The following SLC38A1 variants were observed in gnomAD, a reference collection of about 807,000 sequenced individuals.
SLC38A1 encodes sodium-coupled neutral amino acid symporter 1.
In SLC38A1, 18 loss-of-function variants were observed where a neutral mutation model predicts 60.3. The observed-to-expected ratio is 0.30, with a 90% CI of 0.21 to 0.44. The LOEUF (loss-of-function observed/expected upper bound fraction) is 0.44, where lower values mean the gene tolerates loss of function less well. Ranked by LOEUF, SLC38A1 falls within the 20% of genes least tolerant of loss-of-function variation. SLC38A1 has a pLI of 1.00. For missense variants in SLC38A1, 448 were observed against 587.2 expected, an observed-to-expected ratio of 0.76 and a Z score of 2.45; for synonymous variants, 196 against 212.1, an observed-to-expected ratio of 0.92 and a Z score of 0.66.
At chr12:46,245,090 G>T (rs949337876) in intron 1 of SLC38A1, among the ~76,000 whole-genome samples, 3 of 152,088 alleles carry the variant, frequency 2.0e-5, no homozygotes, top group African/African-American at 7.2e-5. Flanking sequence ...TAAAAGGCAA[G>T]AACCTCCTTC....
At chr12:46,246,095 G>C (rs185004639) in intron 1 of SLC38A1, among the ~76,000 whole-genome samples, 1 of 152,208 alleles carries the variant, frequency 6.6e-6, no homozygotes, top group Admixed American at 6.5e-5. Context: ...GAACAAAGCA[G>C]AAGACAGGTG....
At chr12:46,200,981 A>T in intron 13 of SLC38A1, 117 bp downstream of exon 13, 1 of 740,432 alleles carries the variant, frequency 1.4e-6, no homozygotes, top group Non-Finnish European at 2.3e-6. Context: ...AAACTAGAAA[A>T]ACCAATGGAT....
chr12:46,209,193 A>G, intron 5 of SLC38A1, 66 bp from the exon 6 acceptor site: 4 of 1,133,998 alleles, frequency 3.5e-6, no homozygotes, highest in Non-Finnish European at 5.2e-6. Context: ...ATTACAGTTT[A>G]GAAGGGCAAA....
chr12:46,229,074 C>A (rs1940970979), intron 5 of SLC38A1, 79 bp downstream of exon 5: 5 of 746,614 alleles, frequency 6.7e-6, no homozygotes, highest in Non-Finnish European at 1.1e-5. Context: ...ATAAATATTT[C>A]ACATTTCTTC....
At chr12:46,258,471 A>G (rs918713022) in intron 1 of SLC38A1, among the ~76,000 whole-genome samples, 1 of 152,224 alleles carries the variant, frequency 6.6e-6, no homozygotes, top group Non-Finnish European at 1.5e-5. Context: ...CCTTACAAAC[A>G]TACCCTAAAG....
chr12:46,194,001 G>C (rs772268609), intron 16 of SLC38A1, among the ~76,000 whole-genome samples: 1 of 152,100 alleles, frequency 6.6e-6, no homozygotes, highest in Non-Finnish European at 1.5e-5. Flanking sequence ...TATTTTGCTC[G>C]TTAATTGATG....
chr12:46,217,406 G>A (rs1029664967), intron 5 of SLC38A1, among the ~76,000 whole-genome samples: 5 of 152,152 alleles, frequency 3.3e-5, no homozygotes, highest in Non-Finnish European at 7.3e-5. Context: ...GCTTGTCTAA[G>A]GTGAGCCTGA....
chr12:46,189,847 T>C (rs554068044), intron 16 of SLC38A1, among the ~76,000 whole-genome samples: 1 of 152,290 alleles, frequency 6.6e-6, no homozygotes, highest in South Asian at 2.1e-4. Flanking sequence ...GCTCCTTGTT[T>C]GCCCTCCGCT....
chr12:46,262,301 G>A (rs887824029), intron 1 of SLC38A1, among the ~76,000 whole-genome samples: 3 of 151,494 alleles, frequency 2.0e-5, no homozygotes, highest in African/African-American at 7.3e-5. Context: ...ATTTATTCAA[G>A]ACAGAAAAAA....
intron 3 of SLC38A1, among the ~76,000 whole-genome samples, chr12:46,230,501 G>C (rs1452629934): frequency 6.6e-6 from 1 of 152,170 alleles, no homozygotes; most frequent in Non-Finnish European, 1.5e-5. Context: ...ATCTTATCAA[G>C]TTATTGGGAG....
chr12:46,205,354 C>CA (rs1437946341), intron 9 of SLC38A1, among the ~76,000 whole-genome samples: 1 of 151,824 alleles, frequency 6.6e-6, no homozygotes, highest in Non-Finnish European at 1.5e-5. Context: ...GTTTTGTATC[C>CA]AAAACAAAAC....
intron 1 of SLC38A1, among the ~76,000 whole-genome samples, chr12:46,260,901 T>C (rs1296735300): frequency 6.6e-6 from 1 of 152,194 alleles, no homozygotes; most frequent in Non-Finnish European, 1.5e-5. Context: ...AGATTCTTCC[T>C]GAAAAGACAG....
intron 16 of SLC38A1, among the ~76,000 whole-genome samples, chr12:46,197,064 A>G (rs1486796172): frequency 1.3e-5 from 2 of 152,230 alleles, no homozygotes; most frequent in African/African-American, 4.8e-5. Flanking sequence ...ACTGCATAAC[A>G]TCTGTGAGTC....
rs1939233078 is a variant in SLC38A1 at position 46,193,505 on chromosome 12, TG to T, written c.1362+4214del. Among the ~76,000 whole-genome samples the T allele has an allele frequency of 3.3e-5, 5 of 152,310 alleles. No homozygotes were observed. The South Asian group carries it at 1.0e-3, about 32-fold the overall frequency. On this transcript the variant is annotated intron_variant, in intron 16 of 16. Coordinates refer to ENST00000398637, the MANE Select transcript of SLC38A1 (RefSeq NM_030674.4). The stretch of plus-strand genomic sequence containing the variant: ...TATCCTTGATAACCTTCTGTCTCGT[TG>T]ATCTGTCTAATATTGACAGTGGGGT...
intron 16 of SLC38A1, among the ~76,000 whole-genome samples, chr12:46,197,153 T>C (rs1330567597): frequency 6.6e-6 from 1 of 152,096 alleles, no homozygotes; most frequent in Non-Finnish European, 1.5e-5. Flanking sequence ...TTCTTCTGAC[T>C]GGCCATGCCC....
chr12:46,203,993 CAGA>C (rs1223957929), intron 11 of SLC38A1, among the ~76,000 whole-genome samples: 3 of 152,146 alleles, frequency 2.0e-5, no homozygotes, highest in Admixed American at 6.5e-5. Flanking sequence ...CTGTCATCGC[CAGA>C]AGAAGGGAGC....
intron 5 of SLC38A1, among the ~76,000 whole-genome samples, chr12:46,213,013 C>T (rs1464357034): frequency 1.3e-5 from 2 of 152,150 alleles, no homozygotes; most frequent in East Asian, 1.9e-4. Flanking sequence ...TTAACTCAAA[C>T]ATCTTTAATT....
intron 1 of SLC38A1, among the ~76,000 whole-genome samples, chr12:46,245,006 C>T (rs1941567530): frequency 6.6e-6 from 1 of 151,840 alleles, no homozygotes; most frequent in Non-Finnish European, 1.5e-5. Context: ...TTTTTTATGC[C>T]CACCATCACC....
At chr12:46,240,419 C>T (rs1375029345) in intron 2 of SLC38A1, among the ~76,000 whole-genome samples, 1 of 152,200 alleles carries the variant, frequency 6.6e-6, no homozygotes, top group Non-Finnish European at 1.5e-5. Context: ...TGGTCTCAAA[C>T]TACTGACCTC....
Sources: allele counts gnomAD v4.1 joint callset (sites outside exome capture counted in the v4.1 genomes callset), GRCh38; gene constraint gnomAD v4.1.1; transcripts MANE v1.5; gene names NCBI Gene and HGNC (gene_info 2026-07-23, HGNC 2026-07-21).